Variants in NLRP1 observed in about 807,000 individuals in gnomAD.
The protein encoded by NLRP1 is NLR family pyrin domain containing 1, also known as NACHT, LRR and PYD domains-containing protein 1.
A neutral mutation model predicts 136.7 loss-of-function variants in NLRP1; 94 were observed. The ratio of observed to expected loss-of-function variants is 0.69; its 90% CI spans 0.58 to 0.82. The LOEUF is 0.82. NLRP1 is among the 40% of genes least tolerant of loss of function. NLRP1 has a pLI of 0.00. For missense variants in NLRP1, 1,575 were observed against 1,802.7 expected, an observed-to-expected ratio of 0.87 and a Z score of 2.29; for synonymous variants, 690 against 725.1, an observed-to-expected ratio of 0.95 and a Z score of 0.78.
rs76099136 is a variant in NLRP1, at chr17:5,531,224, C to G, written c.3297-520G>C. On this transcript the variant is annotated intron_variant, in intron 11 of 16. Coordinates refer to ENST00000572272, the MANE Select transcript of NLRP1 (RefSeq NM_033004.4). ...TCTATCTATCTATCTATCTATCTAT[C>G]TAATCTATGGAAATATGGTCTCACT... is the stretch of plus-strand genomic sequence containing the variant. 5.6e-3 allele frequency among the ~76,000 whole-genome samples: 820 copies of G among 146,266 alleles called. 8 individuals are homozygous for G. Among genetic ancestry groups the G allele is most frequent in the African/African-American group, 0.019 (746 of 38,916 alleles).
intron 3 of NLRP1, among the ~76,000 whole-genome samples, chr17:5,579,100 A>G (rs553282009): frequency 0.017 from 2,606 of 151,980 alleles, 70 homozygotes; most frequent in African/African-American, 0.06. Context: ...ATCACACACC[A>G]GGGCCTGTCG....
chr17:5,515,398 C>T, intron 16 of NLRP1, 75 bp downstream of exon 16: 1 of 1,276,380 alleles, frequency 7.8e-7, no homozygotes, highest in South Asian at 1.2e-5. Flanking sequence ...TCCTTTCTCT[C>T]TTCCCTTCCC....
rs199908018 is a variant in NLRP1 at position 5,514,267 on chromosome 17, A to C, written c.*487T>G. 74 of 295,034 alleles carry C rather than the reference A, an allele frequency of 2.5e-4. No individual in the cohort carries two copies. Among genetic ancestry groups the C allele is most frequent in the Middle Eastern group, 1.6e-3 (1 of 620 alleles). The allele number at this position is 295,034 out of a possible 1,614,324, so 18.3% of individuals were successfully genotyped here. A position where few individuals can be genotyped will look rare whatever the true frequency, so the allele number is the denominator to read the frequency against. On this transcript the variant is annotated 3_prime_UTR_variant, in exon 17 of 17. Transcript: ENST00000572272. ...AGACAAATTCTAAAAGAGCTGTGATACTCCTTTATTTTCTGAATAAACTTC... is the reference window on the plus strand; with the variant it reads ...AGACAAATTCTAAAAGAGCTGTGATCCTCCTTTATTTTCTGAATAAACTTC...
chr17:5,581,522 G>A (rs1247748707), intron 3 of NLRP1, among the ~76,000 whole-genome samples: 1 of 152,158 alleles, frequency 6.6e-6, no homozygotes, highest in Non-Finnish European at 1.5e-5. Context: ...TGTGGGGTGA[G>A]GAGCTCAGTG....
At chr17:5,579,249 T>G (rs1344945712) in intron 3 of NLRP1, among the ~76,000 whole-genome samples, 1 of 135,798 alleles carries the variant, frequency 7.4e-6, no homozygotes, top group Non-Finnish European at 1.6e-5. Flanking sequence ...ACCCTAGAAC[T>G]TAAAGTATTA....
chr17:5,561,865 T>C (rs1914795269), intron 3 of NLRP1, among the ~76,000 whole-genome samples: 1 of 152,310 alleles, frequency 6.6e-6, no homozygotes, highest in Non-Finnish European at 1.5e-5. Context: ...AGGCGGGCAA[T>C]GTCTGCTAGC....
intron 8 of NLRP1, among the ~76,000 whole-genome samples, chr17:5,534,788 GT>G (rs2151762442): frequency 6.6e-6 from 1 of 152,314 alleles, no homozygotes; most frequent in South Asian, 2.1e-4. Context: ...AAAATGGAAA[GT>G]TTTTAACATA....
chr17:5,542,137 G>C lies in NLRP1; in HGVS notation c.2529-110C>G. ...ATGCACCAGGCCTGTGGGCCAGGCAGAGGTCTAGAAAACCCTCCCAGGCCC... is the reference window on the plus strand; with the variant it reads ...ATGCACCAGGCCTGTGGGCCAGGCACAGGTCTAGAAAACCCTCCCAGGCCC... On this transcript the variant is annotated intron_variant, in intron 5 of 16. Transcript: ENST00000572272. 5 of 1,112,524 alleles carry C rather than the reference G, an allele frequency of 4.5e-6. No homozygotes were observed. The Middle Eastern group carries it at 6.0e-4, about 132-fold the overall frequency. The allele number at this position is 1,112,524 out of a possible 1,614,324, so 68.9% of individuals were successfully genotyped here. A position where few individuals can be genotyped will look rare whatever the true frequency, so the allele number is the denominator to read the frequency against.
chr17:5,561,223 T>C (rs1914704200), intron 3 of NLRP1, among the ~76,000 whole-genome samples: 1 of 151,952 alleles, frequency 6.6e-6, no homozygotes, highest in Admixed American at 6.5e-5. Context: ...CGCCAGCTAA[T>C]TTTTGTATTT....
At chr17:5,507,903 A>C (rs2151727954) in intron 15 of NLRP1, among the ~76,000 whole-genome samples, 1 of 152,292 alleles carries the variant, frequency 6.6e-6, no homozygotes, top group South Asian at 2.1e-4. Context: ...CGGGAGGCTT[A>C]GGTGGGCGGA....
At chr17:5,551,372 T>C (rs1244362535) in intron 5 of NLRP1, among the ~76,000 whole-genome samples, 10 of 152,220 alleles carry the variant, frequency 6.6e-5, no homozygotes, top group Admixed American at 5.2e-4. Flanking sequence ...TTATTTCTTT[T>C]TAGCATTGAA....
chr17:5,534,830 C>T (rs981710198), intron 8 of NLRP1, among the ~76,000 whole-genome samples: 4 of 151,952 alleles, frequency 2.6e-5, no homozygotes, highest in African/African-American at 9.7e-5. Context: ...GCCTCTGTCA[C>T]CCTCCAATGT....
At chr17:5,565,589 T>A (rs564707271) in intron 3 of NLRP1, among the ~76,000 whole-genome samples, 1 of 152,364 alleles carries the variant, frequency 6.6e-6, no homozygotes, top group African/African-American at 2.4e-5. Flanking sequence ...TCCCCAATGT[T>A]TTCTTGTAGT....
At chr17:5,502,069 T>C in intron 15 of NLRP1, 1 of 559,484 alleles carries the variant, frequency 1.8e-6, no homozygotes, top group Non-Finnish European at 3.3e-6. Context: ...GCTGTTCCTC[T>C]CTATCCTACA....
At position 5,533,346 on chromosome 17, in the gene NLRP1, G is replaced by T; in HGVS notation, c.3091C>A (p.Leu1031Ile). 1.4e-6 allele frequency: 2 copies of T among 1,447,608 alleles called. No homozygotes were observed. The highest frequency in any genetic ancestry group is 1.9e-6 in the Non-Finnish European group (2 of 1,052,046). The allele number at this position is 1,447,608 out of a possible 1,614,324, so 89.7% of individuals were successfully genotyped here. ...GGGAAGATCTTGCTCACGTCCAGGA[G>T]TTTGAGATTAGCCTGAGCAACATGG... ...ASHVAQANLK[L>I]LDVSKIFPIA... The change falls in exon 10 of 17, where the codon CTC (leucine) becomes ATC (isoleucine). Residue 1031 changes from leucine to isoleucine, a missense_variant. Coordinates refer to ENST00000572272, the MANE Select transcript of NLRP1 (RefSeq NM_033004.4).
At chr17:5,536,139 T>C (rs1438331362) in intron 8 of NLRP1, among the ~76,000 whole-genome samples, 1 of 151,722 alleles carries the variant, frequency 6.6e-6, no homozygotes, top group South Asian at 2.1e-4. Flanking sequence ...ACCCACTGAC[T>C]TTTTCTTGTT....
Position 5,541,816 on chromosome 17 carries a change from G to A in NLRP1, c.2699+41C>T, listed in dbSNP as rs200833586. 235 of 1,603,700 alleles carry A rather than the reference G, an allele frequency of 1.5e-4. No individual in the cohort carries two copies. Among genetic ancestry groups the A allele is most frequent in the Non-Finnish European group, 2.0e-4 (229 of 1,173,056 alleles). On this transcript the variant is annotated intron_variant, in intron 6 of 16. Transcript: ENST00000572272. This position sits in a 1 kb window ranked among gnomAD's most constrained non-coding sequence, Gnocchi z 4.2. ...CCCTCTGCCTGCCTCATGGTGGCAGGCAGTTCCCTCCACCTCCCCCTGCCC... is the reference window on the plus strand; with the variant it reads ...CCCTCTGCCTGCCTCATGGTGGCAGACAGTTCCCTCCACCTCCCCCTGCCC...
intron 12 of NLRP1, among the ~76,000 whole-genome samples, chr17:5,528,194 A>G (rs1341319723): frequency 1.3e-5 from 2 of 152,156 alleles, no homozygotes; most frequent in African/African-American, 4.8e-5. Context: ...TCTCTTCTTG[A>G]TAGAGTACCT....
intron 4 of NLRP1, among the ~76,000 whole-genome samples, chr17:5,554,802 G>A (rs560878346): frequency 1.2e-4 from 18 of 152,244 alleles, no homozygotes; most frequent in African/African-American, 4.3e-4. Context: ...CAGGAGGATC[G>A]ATTGAGCCCA....
Sources: gnomAD v4.1 joint callset for allele counts (sites outside exome capture counted in the v4.1 genomes callset) on GRCh38, gnomAD v4.1.1 for gene constraint, Gnocchi (gnomAD v3.1) non-coding constraint, MANE v1.5 for transcripts, NCBI Gene and HGNC (gene_info 2026-07-23, HGNC 2026-07-21) for gene names.